Variants in CDH12 observed in about 807,000 individuals in gnomAD.
The protein encoded by CDH12 is cadherin-12.
CDH12 carries 41 observed loss-of-function variants against 74.1 expected under a neutral mutation model. The ratio of observed to expected loss-of-function variants is 0.55; its 90% confidence interval spans 0.43 to 0.72. The LOEUF (loss-of-function observed/expected upper bound fraction) is 0.72. Ranked by LOEUF, CDH12 falls within the 30% of genes least tolerant of loss-of-function variation. CDH12 has a pLI of 0.00. For missense variants in CDH12, 945 were observed against 977.2 expected, an observed-to-expected ratio of 0.97 and a Z score of 0.44; for synonymous variants, 399 against 355.0, an observed-to-expected ratio of 1.12 and a Z score of -1.39.
intron 6 of CDH12, among the ~76,000 whole-genome samples, chr5:21,906,578 A>T (rs1423097507): frequency 1.3e-5 from 2 of 151,986 alleles, no homozygotes; most frequent in East Asian, 3.9e-4. Context: ...CCTTCAAATG[A>T]TCTTTGCTTT....
At chr5:22,677,008 T>A (rs1741227272) in intron 1 of CDH12, among the ~76,000 whole-genome samples, 1 of 152,214 alleles carries the variant, frequency 6.6e-6, no homozygotes, top group African/African-American at 2.4e-5. Flanking sequence ...TCTACTTTAA[T>A]AATTTTGAAG....
intron 1 of CDH12, among the ~76,000 whole-genome samples, chr5:22,822,252 C>A (rs1228692492): frequency 6.6e-6 from 1 of 152,026 alleles, no homozygotes; most frequent in Non-Finnish European, 1.5e-5. Context: ...TAAAGACTTA[C>A]CTGTTAAACC....
intron 1 of CDH12, among the ~76,000 whole-genome samples, chr5:22,776,437 G>A (rs1747109781): frequency 6.6e-6 from 1 of 152,138 alleles, no homozygotes; most frequent in Admixed American, 6.6e-5. Flanking sequence ...GTGTATGTGT[G>A]TGCATGTGTA....
chr5:22,220,512 C>T (rs7730873), intron 3 of CDH12, among the ~76,000 whole-genome samples: 64,402 of 151,206 alleles, frequency 0.43, 15,167 homozygotes, highest in Non-Finnish European at 0.53. Context: ...TCATGAGAAA[C>T]TAAATTTTTT....
intron 1 of CDH12, among the ~76,000 whole-genome samples, chr5:22,734,616 T>C (rs761971142): frequency 6.6e-6 from 1 of 151,926 alleles, no homozygotes; most frequent in Non-Finnish European, 1.5e-5. Context: ...CAACTTCTTC[T>C]CCAAACACTG....
At chr5:22,502,971 C>T (rs1471676567) in intron 2 of CDH12, among the ~76,000 whole-genome samples, 1 of 151,960 alleles carries the variant, frequency 6.6e-6, no homozygotes, top group Non-Finnish European at 1.5e-5. Context: ...ATATTTTTAT[C>T]TATTTCTCTT....
intron 3 of CDH12, among the ~76,000 whole-genome samples, chr5:22,289,643 A>G (rs1389776238): frequency 1.3e-5 from 2 of 152,194 alleles, no homozygotes; most frequent in Admixed American, 6.5e-5. Context: ...GTTGTAGCAC[A>G]ATAATGAAAA....
chr5:22,656,705 T>C (rs929861339), intron 1 of CDH12, among the ~76,000 whole-genome samples: 88 of 152,344 alleles, frequency 5.8e-4, no homozygotes, highest in African/African-American at 2.0e-3. Flanking sequence ...GTATTACTCA[T>C]GTATGTGCCA....
chr5:22,125,347 G>A (rs751815587), intron 4 of CDH12, among the ~76,000 whole-genome samples: 30 of 152,114 alleles, frequency 2.0e-4, no homozygotes, highest in Non-Finnish European at 1.6e-4. Flanking sequence ...ACTTATGAGT[G>A]AGAACATGTG....
At chr5:22,756,097 C>T (rs1319307409) in intron 1 of CDH12, among the ~76,000 whole-genome samples, 4 of 82,332 alleles carry the variant, frequency 4.9e-5, no homozygotes, top group South Asian at 3.8e-4. Flanking sequence ...CTTCAAGGAC[C>T]GAAAAAAAAA....
intron 1 of CDH12, among the ~76,000 whole-genome samples, chr5:22,602,622 A>G (rs1330647274): frequency 2.6e-5 from 4 of 152,168 alleles, no homozygotes; most frequent in African/African-American, 9.6e-5. Flanking sequence ...ATAATTGTCA[A>G]TTAGGAATTA....
At chr5:22,658,133 G>A (rs1740150171) in intron 1 of CDH12, among the ~76,000 whole-genome samples, 1 of 152,120 alleles carries the variant, frequency 6.6e-6, no homozygotes, top group South Asian at 2.1e-4. Context: ...GTAGTAATTT[G>A]TGGGCAAAGT....
rs376509313 is a variant in CDH12, at chr5:21,777,814, C to T, written c.1393+5544G>A. On this transcript the variant is annotated intron_variant, in intron 11 of 14. Transcript: ENST00000382254. ...CCTACCACTAACATTTTTAAGTTAA[C>T]ATTCTAACTGACAGATACAACTGTA... Among the ~76,000 whole-genome samples the T allele has an allele frequency of 7.9e-5, 12 of 152,100 alleles. No individual in the cohort carries two copies. In the East Asian group the frequency reaches 9.7e-4, roughly 12 times the overall value.
intron 3 of CDH12, among the ~76,000 whole-genome samples, chr5:22,307,873 GTTTT>G (rs35242143): frequency 1.5e-5 from 1 of 68,658 alleles, no homozygotes; most frequent in Non-Finnish European, 2.4e-5. Flanking sequence ...CTTTCTTTTA[GTTTT>G]TTTTTTTTTT....
chr5:22,153,891 T>TATATGTATATATATAC (rs1747808438), intron 4 of CDH12, among the ~76,000 whole-genome samples: 2 of 32,074 alleles, frequency 6.2e-5, no homozygotes, highest in South Asian at 2.7e-3. Context: ...TATATATAAA[T>TATATGTATATATATAC]ATATATATAT....
At chr5:22,498,526 A>T (rs1156646728) in intron 2 of CDH12, among the ~76,000 whole-genome samples, 2 of 152,028 alleles carry the variant, frequency 1.3e-5, no homozygotes, top group Non-Finnish European at 2.9e-5. Context: ...AAGGAGAAAA[A>T]ATGAAAGGGG....
At chr5:22,061,550 A>G (rs540304875) in intron 5 of CDH12, among the ~76,000 whole-genome samples, 72 of 152,160 alleles carry the variant, frequency 4.7e-4, no homozygotes, top group African/African-American at 1.7e-3. Flanking sequence ...TGTGCACTCT[A>G]TTTTTCTGTG....
At chr5:22,519,640 G>A (rs539579336) in intron 1 of CDH12, among the ~76,000 whole-genome samples, 2 of 152,108 alleles carry the variant, frequency 1.3e-5, no homozygotes, top group Non-Finnish European at 2.9e-5. Context: ...AGTCAGGATG[G>A]TCTTGATCTC....
chr5:22,270,169 C>T (rs1213068020), intron 3 of CDH12, among the ~76,000 whole-genome samples: 1 of 152,172 alleles, frequency 6.6e-6, no homozygotes, highest in Non-Finnish European at 1.5e-5. Flanking sequence ...TTACTCATTA[C>T]AGCCTGACAC....
Sources: allele counts gnomAD v4.1 joint callset (sites outside exome capture counted in the v4.1 genomes callset), GRCh38; gene constraint gnomAD v4.1.1; transcripts MANE v1.5; gene names NCBI Gene and HGNC (gene_info 2026-07-23, HGNC 2026-07-21).